ZNF626: variants seen among roughly 807,000 people sequenced by gnomAD.
ZNF626 encodes zinc finger protein 626, also known as CTC-513N18.7.
In ZNF626, 4 loss-of-function variants were observed where a neutral mutation model predicts 11.7. The observed-to-expected ratio is 0.34, with a 90% confidence interval of 0.17 to 0.78. The LOEUF is 0.78. Ranked by LOEUF, ZNF626 falls within the 30% of genes least tolerant of loss-of-function variation. ZNF626 has a pLI of 0.57. For synonymous variants in ZNF626, 179 were observed against 198.6 expected, an observed-to-expected ratio of 0.90 and a Z score of 0.83; for missense variants, 588 against 587.1, an observed-to-expected ratio of 1.00 and a Z score of -0.01.
chr19:20,657,016 T>C (rs1380519336), intron 1 of ZNF626, among the ~76,000 whole-genome samples: 3 of 152,190 alleles, frequency 2.0e-5, no homozygotes, highest in South Asian at 4.1e-4. Flanking sequence ...TGCAGCACTA[T>C]TCACAATAGC....
chr19:20,652,890 T>A (rs549933045), intron 1 of ZNF626, among the ~76,000 whole-genome samples: 1 of 152,304 alleles, frequency 6.6e-6, no homozygotes, highest in South Asian at 2.1e-4. Context: ...ACATGTCTAC[T>A]CACTACACAC....
In ZNF626 at chr19:20,625,405, G is replaced by A. The variant is rs782207565; in HGVS notation, c.472C>T (p.Pro158Ser). The change falls in exon 4 of 4, where the codon CCA (proline) becomes TCA (serine). Residue 158 changes from proline (P) to serine (S), a missense_variant. Physicochemically the swap from Pro to Ser is moderately conservative, Grantham distance 74. This residue lies in a region of ZNF626 where 524 missense variants were observed against 470.1 expected (regional missense o/e 1.11). Coordinates refer to ENST00000601440, the MANE Select transcript of ZNF626 (RefSeq NM_001076675.3). ...CCTCTCTTTTGTCCGTTTGAATTTG[G>A]AAATTGATGAAGGACTTTCACATAT... ...DKYVKVLHQF[P>S]NSNGQKRGHT... is the part of the protein sequence containing the mutation. The A allele has an allele frequency of 2.4e-5, 38 of 1,614,058 alleles. No homozygotes were observed. The highest frequency in any genetic ancestry group is 3.2e-5 in the Non-Finnish European group (38 of 1,180,004).
intron 3 of ZNF626, among the ~76,000 whole-genome samples, chr19:20,627,239 T>C (rs1969846924): frequency 6.6e-6 from 1 of 152,046 alleles, no homozygotes; most frequent in Non-Finnish European, 1.5e-5. Context: ...ACAAAGATAT[T>C]TGTAACAAAC....
chr19:20,632,786 G>T (rs1022527335), intron 3 of ZNF626, among the ~76,000 whole-genome samples: 3 of 152,080 alleles, frequency 2.0e-5, no homozygotes, highest in African/African-American at 2.4e-5. Flanking sequence ...CTCTCAACTC[G>T]TCAAAGTCAT....
chr19:20,627,942 A>G (rs890861068), intron 3 of ZNF626, among the ~76,000 whole-genome samples: 1 of 152,138 alleles, frequency 6.6e-6, no homozygotes, highest in Non-Finnish European at 1.5e-5. Context: ...CCCTGACGCC[A>G]CAACAGTCCC....
At chr19:20,649,610 G>A (rs992521846) in intron 1 of ZNF626, among the ~76,000 whole-genome samples, 5 of 152,154 alleles carry the variant, frequency 3.3e-5, no homozygotes, top group Non-Finnish European at 5.9e-5. Flanking sequence ...GCTGTGCGGA[G>A]GACACAAGGA....
chr19:20,631,494 GGATA>G (rs1194546573), intron 3 of ZNF626, among the ~76,000 whole-genome samples: 1 of 151,382 alleles, frequency 6.6e-6, no homozygotes, highest in African/African-American at 2.4e-5. Flanking sequence ...TATATATTTA[GGATA>G]GTTAGCTCTT....
rs564172630 is a variant in ZNF626 at position 20,631,855 on chromosome 19, C to T, written c.227-6205G>A. ...TATGATGTTAGCTGGTTATTTTGCT[C>T]GTTAGTTCATGCAGTTTCTTCCTAG... On this transcript the variant is annotated intron_variant, in intron 3 of 3. Coordinates refer to ENST00000601440, the MANE Select transcript of ZNF626 (RefSeq NM_001076675.3). Among the ~76,000 whole-genome samples the T allele has an allele frequency of 1.6e-4, 25 of 151,888 alleles. No homozygotes were observed. The South Asian group carries it at 5.2e-3, about 32-fold the overall frequency.
intron 3 of ZNF626, among the ~76,000 whole-genome samples, chr19:20,639,814 A>C (rs1396297200): frequency 6.6e-6 from 1 of 152,244 alleles, no homozygotes; most frequent in Non-Finnish European, 1.5e-5. Context: ...TGAAACTAGG[A>C]ATTAAAAGCA....
chr19:20,661,365 C>A (rs1555773676), intron 1 of ZNF626, 79 bp downstream of exon 1: 1 of 1,591,474 alleles, frequency 6.3e-7, no homozygotes, highest in Non-Finnish European at 8.6e-7. Flanking sequence ...GCGGGGAGGC[C>A]TGAGTCCCGC....
chr19:20,643,850 G>A (rs943868740), intron 3 of ZNF626, among the ~76,000 whole-genome samples: 34 of 152,224 alleles, frequency 2.2e-4, no homozygotes, highest in African/African-American at 6.0e-4. Flanking sequence ...AGAGATGTGA[G>A]ATCCAGGGAT....
chr19:20,640,088 T>C (rs4641874), intron 3 of ZNF626, among the ~76,000 whole-genome samples: 67,581 of 151,366 alleles, frequency 0.45, 16,297 homozygotes, highest in African/African-American at 0.63. Context: ...AAATAATCTC[T>C]TCAAAAAATG....
intron 1 of ZNF626, among the ~76,000 whole-genome samples, chr19:20,646,607 A>G (rs73537361): frequency 0.035 from 5,258 of 152,330 alleles, 301 homozygotes; most frequent in African/African-American, 0.12. Context: ...TAAGATCCAC[A>G]ACATCAATTC....
Position 20,623,447 on chromosome 19 carries a change from C to T in ZNF626, c.*843G>A, listed in dbSNP as rs991722259. The T allele has an allele frequency of 1.3e-5, 2 of 152,366 alleles. No homozygotes were observed. Among genetic ancestry groups the T allele is most frequent in the East Asian group, 3.9e-4 (2 of 5,184 alleles). The allele number at this position is 152,366 out of a possible 1,614,324, so 9.4% of individuals were successfully genotyped here. On this transcript the variant is annotated 3_prime_UTR_variant, in exon 4 of 4. Coordinates refer to ENST00000601440, the MANE Select transcript of ZNF626 (RefSeq NM_001076675.3). ...GGAAGTGTTGAAAAAAGCACTGTCA[C>T]ATCTTTCAGGTTTGTAGAGTTCCTC...
intron 3 of ZNF626, among the ~76,000 whole-genome samples, chr19:20,639,344 C>A (rs571182184): frequency 3.6e-4 from 55 of 152,290 alleles, no homozygotes; most frequent in South Asian, 8.3e-4. Context: ...CTAGGCTTCA[C>A]AGATGCATAC....
At chr19:20,627,492 CA>C (rs1213544526) in intron 3 of ZNF626, among the ~76,000 whole-genome samples, 7 of 151,184 alleles carry the variant, frequency 4.6e-5, no homozygotes, top group Admixed American at 4.6e-4. Context: ...ATACAAAAAG[CA>C]AAAAACCACG....
chr19:20,638,445 A>G (rs1969988988), intron 3 of ZNF626, among the ~76,000 whole-genome samples: 1 of 150,786 alleles, frequency 6.6e-6, no homozygotes, highest in Non-Finnish European at 1.5e-5. Context: ...AAATAAATAA[A>G]TAAATAAATA....
chr19:20,650,498 T>G (rs1970134966), intron 1 of ZNF626, among the ~76,000 whole-genome samples: 1 of 152,208 alleles, frequency 6.6e-6, no homozygotes, highest in South Asian at 2.1e-4. Flanking sequence ...CCCATTTATC[T>G]GCTTTTGGAT....
chr19:20,655,834 C>G (rs1430418437), intron 1 of ZNF626, among the ~76,000 whole-genome samples: 4 of 151,844 alleles, frequency 2.6e-5, no homozygotes, highest in African/African-American at 9.7e-5. Flanking sequence ...ACTTGGGAGG[C>G]TGAGGCAGGA....
Sources: allele counts gnomAD v4.1 joint callset (sites outside exome capture counted in the v4.1 genomes callset), GRCh38; gene constraint gnomAD v4.1.1; regional missense constraint gnomAD v4.1.1; transcripts MANE v1.5; gene names NCBI Gene and HGNC (gene_info 2026-07-23, HGNC 2026-07-21).